Variants in FAT3 observed in about 807,000 individuals in gnomAD.
The protein encoded by FAT3 is FAT atypical cadherin 3.
FAT3 carries 95 observed loss-of-function variants against 310.2 expected under a neutral mutation model. The ratio of observed to expected loss-of-function variants is 0.31; its 90% confidence interval spans 0.26 to 0.36. The LOEUF (loss-of-function observed/expected upper bound fraction) is 0.36, where lower values mean the gene tolerates loss of function less well. Ranked by LOEUF, FAT3 falls within the 10% of genes least tolerant of loss-of-function variation. The pLI, the probability that FAT3 is intolerant of heterozygous loss-of-function variation, is 1.00. For missense variants in FAT3, 5,408 were observed against 5,715.6 expected, an observed-to-expected ratio of 0.95 and a Z score of 1.74; for synonymous variants, 2,314 against 2,192.9, an observed-to-expected ratio of 1.06 and a Z score of -1.54.
intron 2 of FAT3, among the ~76,000 whole-genome samples, chr11:92,426,776 T>C (rs1264085218): frequency 6.6e-6 from 1 of 152,210 alleles, no homozygotes; most frequent in Non-Finnish European, 1.5e-5. Flanking sequence ...TTGGTTACTG[T>C]AGCCTTGTAC....
At chr11:92,250,923 G>A (rs1865111219) in intron 1 of FAT3, among the ~76,000 whole-genome samples, 1 of 152,120 alleles carries the variant, frequency 6.6e-6, no homozygotes, top group South Asian at 2.1e-4. Context: ...TTTTGCACCA[G>A]TTTAGTAAAA....
At chr11:92,321,797 TTAAATC>T (rs1947627052) in intron 1 of FAT3, among the ~76,000 whole-genome samples, 1 of 152,190 alleles carries the variant, frequency 6.6e-6, no homozygotes, top group Non-Finnish European at 1.5e-5. Flanking sequence ...TAGTGTCAGA[TTAAATC>T]TAAATGCAAC....
At chr11:92,235,463 C>T (rs1269829372) in intron 1 of FAT3, among the ~76,000 whole-genome samples, 1 of 152,182 alleles carries the variant, frequency 6.6e-6, no homozygotes, top group Admixed American at 6.5e-5. Context: ...GTGTCTCTTT[C>T]TCCCATAGGC....
chr11:92,326,125 A>T (rs1947756846), intron 1 of FAT3, among the ~76,000 whole-genome samples: 1 of 152,176 alleles, frequency 6.6e-6, no homozygotes, highest in South Asian at 2.1e-4. Flanking sequence ...ATCATATACT[A>T]GCTATGTGAT....
intron 3 of FAT3, among the ~76,000 whole-genome samples, chr11:92,684,496 A>T (rs1943574661): frequency 6.6e-6 from 1 of 152,104 alleles, no homozygotes; most frequent in Non-Finnish European, 1.5e-5. Context: ...TTGTTTCTGA[A>T]ACAGGAGGAA....
intron 2 of FAT3, among the ~76,000 whole-genome samples, chr11:92,503,645 C>T (rs1280195464): frequency 6.6e-6 from 1 of 152,126 alleles, no homozygotes; most frequent in African/African-American, 2.4e-5. Flanking sequence ...CTTTTGTTCT[C>T]ACACAAACAT....
intron 3 of FAT3, among the ~76,000 whole-genome samples, chr11:92,613,888 A>G (rs1031676226): frequency 6.6e-6 from 1 of 152,182 alleles, no homozygotes; most frequent in African/African-American, 2.4e-5. Context: ...ACCCATTATC[A>G]GTCACTTCCC....
chr11:92,290,930 T>A (rs1039390037), intron 1 of FAT3, among the ~76,000 whole-genome samples: 2 of 152,076 alleles, frequency 1.3e-5, no homozygotes, highest in Non-Finnish European at 2.9e-5. Context: ...ATAATTAGAC[T>A]GGTGATATTT....
At chr11:92,419,494 G>C (rs113230571) in intron 2 of FAT3, among the ~76,000 whole-genome samples, 72 of 152,158 alleles carry the variant, frequency 4.7e-4, no homozygotes, top group African/African-American at 1.7e-3. Context: ...TTAGGGGCTT[G>C]AAAAAACTGA....
At chr11:92,669,901 T>C (rs1467242196) in intron 3 of FAT3, among the ~76,000 whole-genome samples, 1 of 152,194 alleles carries the variant, frequency 6.6e-6, no homozygotes. Flanking sequence ...ACTACTATTA[T>C]TCAAAATAGG....
intron 22 of FAT3, among the ~76,000 whole-genome samples, chr11:92,879,314 A>G (rs1949618360): frequency 6.6e-6 from 1 of 152,194 alleles, no homozygotes; most frequent in Admixed American, 6.5e-5. Flanking sequence ...TACAGGAATC[A>G]CCAGATCCAA....
chr11:92,363,547 T>C (rs1476371287), intron 2 of FAT3, among the ~76,000 whole-genome samples: 1 of 152,228 alleles, frequency 6.6e-6, no homozygotes. Context: ...CTTTGACATG[T>C]TGAGGAATAA....
Position 92,660,435 on chromosome 11 carries a change from C to T in FAT3, c.3608-36949C>T, listed in dbSNP as rs558587299. Among the ~76,000 whole-genome samples, 21 of 152,096 alleles carry T rather than the reference C, an allele frequency of 1.4e-4. 1 individual carries two copies. The South Asian group carries it at 4.2e-3, about 30-fold the overall frequency. Reference sequence around the variant, plus strand: ...AGGCTGGGGTAGGGGTGCCAGGGATCAGCAGGGGCTGGGCAATGAGATAAA... The same window carrying T: ...AGGCTGGGGTAGGGGTGCCAGGGATTAGCAGGGGCTGGGCAATGAGATAAA... On this transcript the variant is annotated intron_variant, in intron 3 of 27. Coordinates refer to ENST00000525166, the MANE Select transcript of FAT3 (RefSeq NM_001367949.2).
intron 2 of FAT3, among the ~76,000 whole-genome samples, chr11:92,436,286 T>G (rs1950937629): frequency 6.6e-6 from 1 of 152,020 alleles, no homozygotes; most frequent in Admixed American, 6.5e-5. Context: ...ACTACAGACA[T>G]GTGCCACCAT....
At chr11:92,818,571 G>C (rs1677390289) in intron 13 of FAT3, among the ~76,000 whole-genome samples, 2 of 152,148 alleles carry the variant, frequency 1.3e-5, no homozygotes, top group Admixed American at 1.3e-4. Context: ...AGGTCACAGG[G>C]ATATCCCCAA....
intron 2 of FAT3, among the ~76,000 whole-genome samples, chr11:92,421,146 A>C: frequency 6.6e-6 from 1 of 152,208 alleles, no homozygotes; most frequent in East Asian, 1.9e-4. Context: ...ATACTTCCCA[A>C]AGAATAATTC....
chr11:92,660,605 A>T (rs1333497034), intron 3 of FAT3, among the ~76,000 whole-genome samples: 1 of 152,194 alleles, frequency 6.6e-6, no homozygotes, highest in Non-Finnish European at 1.5e-5. Context: ...TCCATGGTCA[A>T]GACTTTTGAG....
At chr11:92,561,458 T>C (rs1482907920) in intron 3 of FAT3, among the ~76,000 whole-genome samples, 1 of 152,158 alleles carries the variant, frequency 6.6e-6, no homozygotes, top group Non-Finnish European at 1.5e-5. Flanking sequence ...TTGAGAGTAC[T>C]GAAATATATT....
rs2134642419 is a variant in FAT3, at chr11:92,354,354, A to G, written c.2242A>G (p.Ile748Val). 3 of 1,613,906 alleles carry G rather than the reference A, an allele frequency of 1.9e-6. No individual in the cohort carries two copies. The East Asian group carries it at 6.7e-5, about 36-fold the overall frequency. Residue 748 changes from isoleucine (I) to valine (V), a missense_variant, in exon 2 of 28, where the codon ATT (isoleucine) becomes GTT (valine). Transcript: ENST00000525166. ...GCCAGTTGGTGCTAACATTCTGAAG[A>G]TTAAAGCCTATGATGCCGACTCTGG... ...DLPVGANILK[I>V]KAYDADSGFN... is the part of the protein sequence containing the mutation.
Sources: gnomAD v4.1 joint callset for allele counts (sites outside exome capture counted in the v4.1 genomes callset) on GRCh38, gnomAD v4.1.1 for gene constraint, MANE v1.5 for transcripts, NCBI Gene and HGNC (gene_info 2026-07-23, HGNC 2026-07-21) for gene names.